The following RPA2 variants were observed in gnomAD, a reference collection of about 807,000 sequenced individuals.
The protein encoded by RPA2 is replication protein A2.
Under a neutral mutation model 33.4 loss-of-function variants are expected in RPA2, and 22 were observed. The ratio of observed to expected loss-of-function variants is 0.66; its 90% CI spans 0.47 to 0.94. The LOEUF is 0.94. Ranked by LOEUF, RPA2 falls within the 40% of genes least tolerant of loss-of-function variation. The pLI, the probability that RPA2 is intolerant of heterozygous loss-of-function variation, is 0.00. For missense variants in RPA2, 279 were observed against 329.9 expected (o/e 0.85, Z 1.19); for synonymous variants, 109 against 114.9 (o/e 0.95, Z 0.33).
At position 27,907,017 on chromosome 1, in the gene RPA2, G is replaced by A. The variant is rs1324707342; in HGVS notation, c.244C>T (p.His82Tyr). 1.9e-6 allele frequency: 3 copies of A among 1,612,568 alleles called. No homozygotes were observed. Among genetic ancestry groups the A allele is most frequent in the South Asian group, 1.1e-5 (1 of 90,994 alleles). ...SQVTIVGIIR[H>Y]AEKAPTNIVY... ...ATGTTGGTTGGAGCCTTCTCTGCAT[G>A]TCTGATGATCCCCACAATAGTGACC... Residue 82 changes from histidine (H) to tyrosine (Y), a missense_variant, in exon 4 of 9, where the codon CAT becomes TAT. Around this residue, in one of 2 missense-constraint regions of RPA2, gnomAD observed 274 missense variants for 310.3 expected, o/e 0.88. Transcript: ENST00000373912.
rs753219520 is a variant in RPA2, at chr1:27,894,307, T to C, written c.616A>G (p.Thr206Ala). The C allele has an allele frequency of 1.9e-6, 3 of 1,613,990 alleles. No individual in the cohort carries two copies. Among genetic ancestry groups the C allele is most frequent in the Non-Finnish European group, 2.5e-6 (3 of 1,180,012 alleles). ...GAGGTTACCTGGTTTTGGGCCACAGTGAGGCCATTTGCTGGCATGAAGCTA... is the reference window on the plus strand; with the variant it reads ...GAGGTTACCTGGTTTTGGGCCACAGCGAGGCCATTTGCTGGCATGAAGCTA... ...GNSFMPANGL[T>A]VAQNQVLNLI... Residue 206 changes from threonine to alanine, a missense_variant, in exon 7 of 9, where the codon ACT becomes GCT. By Grantham distance (58) the Thr-to-Ala change is moderately conservative. Transcript: ENST00000373912.
At chr1:27,894,609 GAGAA>G (rs1350628095) in intron 6 of RPA2, among the ~76,000 whole-genome samples, 1 of 152,136 alleles carries the variant, frequency 6.6e-6, no homozygotes, top group African/African-American at 2.4e-5. Flanking sequence ...ATATCAAAAA[GAGAA>G]AGATACTCTT....
intron 8 of RPA2, 53 bp downstream of exon 8, chr1:27,893,959 A>C (rs2089857482): frequency 1.4e-6 from 2 of 1,457,576 alleles, no homozygotes; most frequent in African/African-American, 1.4e-5. Context: ...AACCCTTGTG[A>C]GGTGAAATAG....
intron 5 of RPA2, 31 bp from the exon 6 acceptor site, chr1:27,897,152 A>T: frequency 7.0e-7 from 1 of 1,435,864 alleles, no homozygotes; most frequent in Non-Finnish European, 9.8e-7. Context: ...AATGTGAATA[A>T]AATATGAACA....
At chr1:27,901,936 T>C (rs893948433) in intron 4 of RPA2, among the ~76,000 whole-genome samples, 3 of 151,728 alleles carry the variant, frequency 2.0e-5, no homozygotes, top group African/African-American at 7.3e-5. Context: ...TTTCAAGTTC[T>C]TGCAAACAAA....
intron 2 of RPA2, among the ~76,000 whole-genome samples, chr1:27,910,244 A>C (rs192167994): frequency 6.6e-6 from 1 of 152,256 alleles, no homozygotes; most frequent in East Asian, 1.9e-4. Context: ...GGGGATATAC[A>C]CCTCTTAAGT....
chr1:27,899,922 C>T (rs1340678618), intron 4 of RPA2, among the ~76,000 whole-genome samples: 3 of 152,148 alleles, frequency 2.0e-5, no homozygotes, highest in Admixed American at 1.3e-4. Flanking sequence ...CCTCGTGATC[C>T]GCCCGCCTCG....
chr1:27,899,525 A>AAAC (rs2089938903), intron 4 of RPA2, among the ~76,000 whole-genome samples: 1 of 151,130 alleles, frequency 6.6e-6, no homozygotes, highest in African/African-American at 2.4e-5. Flanking sequence ...AAAAAAAAAA[A>AAAC]AAAAAACCAC....
chr1:27,914,394 G>A, intron 1 of RPA2, 40 bp downstream of exon 1: 3 of 1,613,234 alleles, frequency 1.9e-6, no homozygotes, highest in Non-Finnish European at 2.5e-6. Context: ...AAAACCTCCT[G>A]CGATTCTCTT....
Position 27,907,003 on chromosome 1 carries a change from A to T in RPA2, c.258T>A (p.Ala86=). ...CTATTTTGTAAACAATGTTGGTTGG[A>T]GCCTTCTCTGCATGTCTGATGATCC... is the stretch of plus-strand genomic sequence containing the variant. ...IVGIIRHAEK[A]PTNIVYKIDD... The change falls in exon 4 of 9, where the codon GCT becomes GCA. Residue 86 remains alanine (A), a synonymous_variant. Coordinates refer to ENST00000373912, the MANE Select transcript of RPA2 (RefSeq NM_002946.5). The T allele has an allele frequency of 6.2e-7, 1 of 1,613,722 alleles. No homozygotes were observed. The highest frequency in any genetic ancestry group is 1.1e-5 in the South Asian group (1 of 91,040).
At chr1:27,892,520 A>C (rs1159167902) in intron 8 of RPA2, among the ~76,000 whole-genome samples, 2 of 152,186 alleles carry the variant, frequency 1.3e-5, no homozygotes, top group Non-Finnish European at 2.9e-5. Context: ...GCCTCACTTA[A>C]ATACAGTCTA....
rs748208522 is a variant in RPA2, at chr1:27,907,164, CAA to C, written c.219+15_219+16del. ...TTATTATGAGTAAGTGATTCTTTCA[CAA>C]ATTATTTGACATACCTGTGAAATCT... On this transcript the variant is annotated intron_variant, in intron 3 of 8. Transcript: ENST00000373912. The C allele has an allele frequency of 1.2e-5, 20 of 1,602,744 alleles. No homozygotes were observed. The South Asian group carries it at 1.9e-4, about 15-fold the overall frequency.
Position 27,892,059 on chromosome 1 carries a change from C to T in RPA2, c.*104G>A. ...AGAGGAGACATTTGATAGATGAAAC[C>T]TACTTCCTAGAAGCCCCCTGGCCAG... On this transcript the variant is annotated 3_prime_UTR_variant, in exon 9 of 9. Transcript: ENST00000373912. The T allele has an allele frequency of 2.5e-6, 2 of 804,288 alleles. No individual in the cohort carries two copies. The highest frequency in any genetic ancestry group is 4.1e-6 in the Non-Finnish European group (2 of 492,662). 49.8% of individuals were successfully genotyped at this position (804,288 alleles called of 1,614,324 possible). A position where few individuals can be genotyped will look rare whatever the true frequency, so the allele number is the denominator to read the frequency against.
At chr1:27,913,677 G>C (rs2090130043) in intron 2 of RPA2, among the ~76,000 whole-genome samples, 1 of 152,060 alleles carries the variant, frequency 6.6e-6, no homozygotes, top group Non-Finnish European at 1.5e-5. Context: ...AGCACTTTGA[G>C]AGGCCGAGGT....
intron 4 of RPA2, among the ~76,000 whole-genome samples, chr1:27,902,664 A>AT (rs1251925384): frequency 1.3e-5 from 2 of 152,042 alleles, no homozygotes; most frequent in African/African-American, 4.8e-5. Context: ...GGTATGGAGG[A>AT]TAGGCACAGA....
In RPA2 at chr1:27,907,061, GAA is replaced by G. The variant is rs750131407; in HGVS notation, c.220-22_220-21del. 5.3e-5 allele frequency: 63 copies of G among 1,183,368 alleles called. No individual in the cohort carries two copies. Among genetic ancestry groups the G allele is most frequent in the Non-Finnish European group, 5.9e-5 (51 of 870,786 alleles). 73.3% of individuals were successfully genotyped at this position (1,183,368 alleles called of 1,614,324 possible). Reference sequence around the variant, plus strand: ...AGTGACCTAGGTTAGAAGAAACAAAGAAAAAAAAAAAAGGTCTGGTTCCCCCT... The same window carrying G: ...AGTGACCTAGGTTAGAAGAAACAAAGAAAAAAAAAAGGTCTGGTTCCCCCT... On this transcript the variant is annotated intron_variant, in intron 3 of 8. Transcript: ENST00000373912.
chr1:27,903,517 G>A (rs1405869568), intron 4 of RPA2, among the ~76,000 whole-genome samples: 5 of 151,474 alleles, frequency 3.3e-5, no homozygotes, highest in African/African-American at 7.3e-5. Context: ...TCAAAAGTTC[G>A]AGACCAGCCT....
At chr1:27,894,255 T>C (rs879835867) in intron 7 of RPA2, 35 bp downstream of exon 7, 2 of 1,588,410 alleles carry the variant, frequency 1.3e-6, no homozygotes, top group African/African-American at 1.3e-5. Flanking sequence ...ACTATCTGTG[T>C]TTTGTATTTC....
chr1:27,901,814 G>A (rs771717250), intron 4 of RPA2, among the ~76,000 whole-genome samples: 1 of 151,974 alleles, frequency 6.6e-6, no homozygotes, highest in Non-Finnish European at 1.5e-5. Context: ...TGCCCAGGCT[G>A]GTCTTGAAAT....
Sources: gnomAD v4.1 joint callset for allele counts (sites outside exome capture counted in the v4.1 genomes callset) on GRCh38, gnomAD v4.1.1 for gene constraint, gnomAD v4.1.1 regional missense constraint, MANE v1.5 for transcripts, NCBI Gene and HGNC (gene_info 2026-07-23, HGNC 2026-07-21) for gene names.